The following SAP130 variants were observed in gnomAD, a reference collection of about 807,000 sequenced individuals.
The protein encoded by SAP130 is histone deacetylase complex subunit SAP130.
A neutral mutation model predicts 103.2 loss-of-function variants in SAP130; 16 were observed. The observed-to-expected ratio is 0.16, with a 90% CI of 0.10 to 0.24. The LOEUF is 0.24. SAP130 is among the 10% of genes least tolerant of loss of function. SAP130 has a pLI of 1.00. For missense variants in SAP130, 990 were observed against 1,359.7 expected (o/e 0.73, Z 4.28); for synonymous variants, 477 against 497.0 (o/e 0.96, Z 0.53).
intron 4 of SAP130, 84 bp downstream of exon 4, chr2:128,016,305 T>G: frequency 7.2e-7 from 1 of 1,380,210 alleles, no homozygotes; most frequent in South Asian, 1.3e-5. Flanking sequence ...TTACCGTGAC[T>G]AATGTACTGC....
rs1678762352 is a variant in SAP130 at position 127,942,275 on chromosome 2, A to G, written c.3016-111T>C. On this transcript the variant is annotated intron_variant, in intron 20 of 20. Transcript: ENST00000643581. The surrounding 1 kb of genome is among the most constrained non-coding windows in gnomAD (Gnocchi z 4.8). ...ATGTTGAGGCTTCCACAACAGAGAA[A>G]ATGTCTTTTTGTTTCTCAGGAGTGC... 2 of 1,191,980 alleles carry G rather than the reference A, an allele frequency of 1.7e-6. No individual in the cohort carries two copies. Among genetic ancestry groups the G allele is most frequent in the Non-Finnish European group, 2.4e-6 (2 of 834,672 alleles). 73.8% of individuals were successfully genotyped at this position (1,191,980 alleles called of 1,614,324 possible).
intron 15 of SAP130, among the ~76,000 whole-genome samples, chr2:127,968,562 G>A (rs769028420): frequency 6.6e-6 from 1 of 151,426 alleles, no homozygotes; most frequent in Non-Finnish European, 1.5e-5. Flanking sequence ...TCACTCTGTT[G>A]CCCAGGCTGG....
At position 127,955,303 on chromosome 2, in the gene SAP130, G is replaced by A; in HGVS notation, c.2105C>T (p.Pro702Leu). 1 of 1,600,760 alleles carries A rather than the reference G, an allele frequency of 6.2e-7. No individual in the cohort carries two copies. The highest frequency in any genetic ancestry group is 8.5e-7 in the Non-Finnish European group (1 of 1,169,986). The change falls in exon 16 of 21, where the codon CCG becomes CTG. Residue 702 changes from proline (P) to leucine (L), a missense_variant. Transcript: ENST00000643581. This position sits in a 1 kb window ranked among gnomAD's most constrained non-coding sequence, Gnocchi z 4.9. ...KSEIHVSMAT[P>L]VTVSMETVSN... is the part of the protein sequence containing the mutation. ...TACAGTCTCCATGGACACAGTGACC[G>A]GAGTGGCCATAGACACGTGGATTTC...
At chr2:127,943,473 G>A (rs1454763760) in intron 19 of SAP130, among the ~76,000 whole-genome samples, 1 of 152,196 alleles carries the variant, frequency 6.6e-6, no homozygotes, top group Non-Finnish European at 1.5e-5. Context: ...ATCACAGAAT[G>A]TACTTACACA....
intron 4 of SAP130, among the ~76,000 whole-genome samples, chr2:128,015,580 G>C (rs1011674639): frequency 2.0e-5 from 3 of 152,046 alleles, no homozygotes; most frequent in Admixed American, 1.3e-4. Flanking sequence ...TAATTAATCA[G>C]GTACACAGCA....
chr2:127,963,737 G>A (rs898252194), intron 15 of SAP130, among the ~76,000 whole-genome samples: 1 of 152,132 alleles, frequency 6.6e-6, no homozygotes, highest in Non-Finnish European at 1.5e-5. Flanking sequence ...TAAGTCTCAT[G>A]AGATCTGACG....
At chr2:127,957,701 C>A (rs1340154427) in intron 15 of SAP130, among the ~76,000 whole-genome samples, 1 of 151,032 alleles carries the variant, frequency 6.6e-6, no homozygotes, top group East Asian at 1.9e-4. Flanking sequence ...TAAGTTATGG[C>A]AAAATATTAA....
chr2:127,946,685 C>G (rs1679098683), intron 18 of SAP130, among the ~76,000 whole-genome samples: 2 of 151,516 alleles, frequency 1.3e-5, no homozygotes. Context: ...GAGTTCGAGA[C>G]CAGCCTGGCC....
Position 128,020,616 on chromosome 2 carries a change from C to G in SAP130, c.113-2701G>C, listed in dbSNP as rs115128245. 5.7e-3 allele frequency among the ~76,000 whole-genome samples: 862 copies of G among 152,234 alleles called. 1 individual carries two copies. Among genetic ancestry groups the G allele is most frequent in the Non-Finnish European group, 9.2e-3 (627 of 68,022 alleles). ...GAATAGTGCTAGTAATGTTCTTGTA[C>G]GTGTCTTTTGGTGAACATATGTACC... On this transcript the variant is annotated intron_variant, in intron 2 of 20. Coordinates refer to ENST00000643581, the MANE Select transcript of SAP130 (RefSeq NM_001330301.2).
chr2:128,000,160 C>T lies in SAP130; in HGVS notation c.1018-14G>A. ...GAAGATTGTTTTCTGTGAGGGAAACCCCACAACACAGTTATAAGAACATTA... is the reference window on the plus strand; with the variant it reads ...GAAGATTGTTTTCTGTGAGGGAAACTCCACAACACAGTTATAAGAACATTA... On this transcript the variant is annotated splice_polypyrimidine_tract_variant and intron_variant, in intron 8 of 20. Coordinates refer to ENST00000643581, the MANE Select transcript of SAP130 (RefSeq NM_001330301.2). 1 of 1,613,276 alleles carries T rather than the reference C, an allele frequency of 6.2e-7. No homozygotes were observed. The highest frequency in any genetic ancestry group is 8.5e-7 in the Non-Finnish European group (1 of 1,179,270).
At chr2:127,972,628 G>GCAC in intron 15 of SAP130, among the ~76,000 whole-genome samples, 1 of 152,184 alleles carries the variant, frequency 6.6e-6, no homozygotes, top group South Asian at 2.1e-4. Context: ...TGTGATGGTG[G>GCAC]GTGCCTTTAA....
chr2:127,997,485 A>C (rs1573781094), intron 10 of SAP130, among the ~76,000 whole-genome samples: 2 of 152,232 alleles, frequency 1.3e-5, no homozygotes, highest in Non-Finnish European at 2.9e-5. Flanking sequence ...GCACAGACCC[A>C]CTGTGATGCC....
In SAP130 at chr2:127,942,313, GTATGTTTTTACTGAAGA is replaced by G. The variant is rs1227416458; in HGVS notation, c.3015+94_3015+110del. On this transcript the variant is annotated intron_variant, in intron 20 of 20. Transcript: ENST00000643581. This position sits in a 1 kb window ranked among gnomAD's most constrained non-coding sequence, Gnocchi z 4.8. ...TTCTCAGGAGTGCAGGCTGAAGCAC[GTATGTTTTTACTGAAGA>G]TATGAGGGAGACGGGGGGAAACGGG... The G allele has an allele frequency of 1.1e-5, 12 of 1,082,918 alleles. No individual in the cohort carries two copies. The highest frequency in any genetic ancestry group is 2.0e-5 in the Admixed American group (1 of 49,446). The allele number at this position is 1,082,918 out of a possible 1,614,324, so 67.1% of individuals were successfully genotyped here. A position where few individuals can be genotyped will look rare whatever the true frequency, so the allele number is the denominator to read the frequency against.
At chr2:127,947,407 G>A (rs1679161077) in intron 18 of SAP130, among the ~76,000 whole-genome samples, 1 of 152,172 alleles carries the variant, frequency 6.6e-6, no homozygotes, top group African/African-American at 2.4e-5. Flanking sequence ...CTTGGTCAAG[G>A]TATATACTGC....
intron 15 of SAP130, among the ~76,000 whole-genome samples, chr2:127,969,978 C>T (rs1209828726): frequency 1.3e-5 from 2 of 152,162 alleles, no homozygotes; most frequent in Admixed American, 6.5e-5. Flanking sequence ...GCCTGTAATA[C>T]CAGCACTCTG....
chr2:127,955,437 C>T lies in SAP130; in HGVS notation c.2064-93G>A, dbSNP rs977453012. ...AGGATGAGTATTTGTCCAATTATTT[C>T]TGTCCAGCACACTGCACAATTTATA... On this transcript the variant is annotated intron_variant, in intron 15 of 20. Coordinates refer to ENST00000643581, the MANE Select transcript of SAP130 (RefSeq NM_001330301.2). This position sits in a 1 kb window ranked among gnomAD's most constrained non-coding sequence, Gnocchi z 4.9. 9.2e-5 allele frequency: 74 copies of T among 804,702 alleles called. No homozygotes were observed. The Middle Eastern group carries it at 1.5e-3, about 17-fold the overall frequency. The allele number at this position is 804,702 out of a possible 1,614,324, so 49.8% of individuals were successfully genotyped here. A position where few individuals can be genotyped will look rare whatever the true frequency, so the allele number is the denominator to read the frequency against.
chr2:128,026,981 G>A, intron 1 of SAP130: 1 of 1,052,872 alleles, frequency 9.5e-7, no homozygotes, highest in Non-Finnish European at 1.3e-6. Flanking sequence ...GCTGAGACCG[G>A]AGGACGCCGG....
In SAP130 at chr2:127,986,770, A is replaced by G. The variant is rs1682428208; in HGVS notation, c.1958+15T>C. ...AGAACCAGAGGTGTCATTCGGCACTACCAGGTCTACTCACCCATCTGTGGC... is the reference window on the plus strand; with the variant it reads ...AGAACCAGAGGTGTCATTCGGCACTGCCAGGTCTACTCACCCATCTGTGGC... On this transcript the variant is annotated intron_variant, in intron 14 of 20. Coordinates refer to ENST00000643581, the MANE Select transcript of SAP130 (RefSeq NM_001330301.2). This position sits in a 1 kb window ranked among gnomAD's most constrained non-coding sequence, Gnocchi z 4.7. 1 of 1,611,080 alleles carries G rather than the reference A, an allele frequency of 6.2e-7. No individual in the cohort carries two copies. The highest frequency in any genetic ancestry group is 1.3e-5 in the African/African-American group (1 of 74,870).
rs1389728737 is a variant in SAP130 at position 127,996,872 on chromosome 2, GC to G, written c.1214-382del. Among the ~76,000 whole-genome samples, 2 of 152,016 alleles carry G rather than the reference GC, an allele frequency of 1.3e-5. No individual in the cohort carries two copies. Among genetic ancestry groups the G allele is most frequent in the East Asian group, 3.9e-4 (2 of 5,182 alleles). On this transcript the variant is annotated intron_variant, in intron 10 of 20. Coordinates refer to ENST00000643581, the MANE Select transcript of SAP130 (RefSeq NM_001330301.2). This position sits in a 1 kb window ranked among gnomAD's most constrained non-coding sequence, Gnocchi z 4.3. ...TTCAAGGCTACAGTGAGCCATGACTGCACCACTATACTCCAGCCTCACTCAC... is the reference window on the plus strand; with the variant it reads ...TTCAAGGCTACAGTGAGCCATGACTGACCACTATACTCCAGCCTCACTCAC...
Sources: gnomAD v4.1 joint callset for allele counts (sites outside exome capture counted in the v4.1 genomes callset) on GRCh38, gnomAD v4.1.1 for gene constraint, Gnocchi (gnomAD v3.1) non-coding constraint, MANE v1.5 for transcripts, NCBI Gene and HGNC (gene_info 2026-07-23, HGNC 2026-07-21) for gene names.